CSMD1: variants seen among roughly 807,000 people sequenced by gnomAD.
The protein encoded by CSMD1 is CUB and Sushi multiple domains 1.
Under a neutral mutation model 417.5 loss-of-function variants are expected in CSMD1, and 213 were observed. That is an observed-to-expected ratio of 0.51 (90% CI 0.46 to 0.57). The LOEUF (loss-of-function observed/expected upper bound fraction) is 0.57. CSMD1 is among the 20% of genes least tolerant of loss of function. The pLI, the probability that CSMD1 is intolerant of heterozygous loss-of-function variation, is 0.00. For synonymous variants in CSMD1, 2,862 were observed against 1,736.8 expected (o/e 1.65, Z -16.11); for missense variants, 6,923 against 4,529.7 (o/e 1.53, Z -15.17).
At chr8:4,023,408 T>G (rs1014905466) in intron 4 of CSMD1, among the ~76,000 whole-genome samples, 20 of 152,142 alleles carry the variant, frequency 1.3e-4, no homozygotes, top group Admixed American at 1.3e-3. Flanking sequence ...TAATTCCAAT[T>G]TCATTATGAA....
intron 3 of CSMD1, among the ~76,000 whole-genome samples, chr8:4,111,042 C>G (rs909035916): frequency 6.6e-6 from 1 of 152,116 alleles, no homozygotes; most frequent in South Asian, 2.1e-4. Flanking sequence ...AAGGAAATAA[C>G]TTAATAAACC....
At chr8:4,810,960 T>C (rs905052812) in intron 1 of CSMD1, among the ~76,000 whole-genome samples, 3 of 152,176 alleles carry the variant, frequency 2.0e-5, no homozygotes, top group African/African-American at 7.2e-5. Context: ...AGTGATGATA[T>C]TAAAGACAAG....
At chr8:4,424,095 G>A (rs988115239) in intron 2 of CSMD1, among the ~76,000 whole-genome samples, 3 of 151,826 alleles carry the variant, frequency 2.0e-5, no homozygotes, top group African/African-American at 4.8e-5. Flanking sequence ...TAGACTCTTA[G>A]GAAAAAAATA....
At chr8:4,450,022 T>A (rs1199175325) in intron 2 of CSMD1, among the ~76,000 whole-genome samples, 3 of 152,190 alleles carry the variant, frequency 2.0e-5, no homozygotes, top group African/African-American at 7.2e-5. Flanking sequence ...ATGGCCTGGG[T>A]GTCCTGTCCT....
intron 4 of CSMD1, among the ~76,000 whole-genome samples, chr8:4,004,766 A>C (rs528704744): frequency 1.3e-5 from 2 of 151,944 alleles, no homozygotes; most frequent in Non-Finnish European, 2.9e-5. Flanking sequence ...TGTTTTTGAG[A>C]TGGCGTCTCA....
At chr8:3,998,945 TAACA>T (rs1454385288) in intron 4 of CSMD1, among the ~76,000 whole-genome samples, 1 of 148,718 alleles carries the variant, frequency 6.7e-6, no homozygotes, top group Non-Finnish European at 1.5e-5. Context: ...TATATATAAA[TAACA>T]AACTATATGG....
intron 2 of CSMD1, among the ~76,000 whole-genome samples, chr8:4,630,529 G>A: frequency 6.6e-6 from 1 of 152,146 alleles, no homozygotes; most frequent in African/African-American, 2.4e-5. Context: ...AGTAATGATT[G>A]AGCTTACCTA....
chr8:3,451,665 A>T (rs1585184468), intron 12 of CSMD1, among the ~76,000 whole-genome samples: 1 of 151,952 alleles, frequency 6.6e-6, no homozygotes, highest in Admixed American at 6.6e-5. Context: ...GTTCTGTTCC[A>T]TTGGTCTATA....
chr8:4,562,109 G>A (rs17344405), intron 2 of CSMD1, among the ~76,000 whole-genome samples: 1 of 152,228 alleles, frequency 6.6e-6, no homozygotes, highest in East Asian at 1.9e-4. Flanking sequence ...GATAGAGGAG[G>A]GAAGAGTGTA....
At chr8:4,172,130 C>A (rs191599174) in intron 3 of CSMD1, among the ~76,000 whole-genome samples, 1 of 152,172 alleles carries the variant, frequency 6.6e-6, no homozygotes, top group Middle Eastern at 3.4e-3. Context: ...AGGTGCATGA[C>A]TACCTAAAAT....
chr8:4,696,347 T>C (rs186264744), intron 1 of CSMD1, among the ~76,000 whole-genome samples: 2 of 152,334 alleles, frequency 1.3e-5, no homozygotes, highest in Admixed American at 6.5e-5. Flanking sequence ...TATTGTTTAG[T>C]TCATCTACTA....
chr8:4,473,988 C>G (rs1800668610), intron 2 of CSMD1, among the ~76,000 whole-genome samples: 2 of 151,716 alleles, frequency 1.3e-5, no homozygotes, highest in South Asian at 2.1e-4. Flanking sequence ...AAAAGAGACA[C>G]AAAAAATTAA....
chr8:4,206,953 C>G (rs934026013), intron 3 of CSMD1, among the ~76,000 whole-genome samples: 19 of 152,080 alleles, frequency 1.2e-4, no homozygotes, highest in Non-Finnish European at 1.5e-4. Context: ...GATAAAATGC[C>G]TATTTCATAT....
intron 49 of CSMD1, among the ~76,000 whole-genome samples, chr8:3,075,318 C>G (rs1281944255): frequency 8.7e-5 from 13 of 149,814 alleles, no homozygotes; most frequent in African/African-American, 2.7e-4. Flanking sequence ...GCCCTGTCAT[C>G]CAGGCTGCAG....
chr8:3,272,584 G>A lies in CSMD1; in HGVS notation c.4153+11560C>T, dbSNP rs1276732478. On this transcript the variant is annotated intron_variant, in intron 26 of 69. Transcript: ENST00000635120. ...ATGAGCATGGAATGTTCTTCCATTT[G>A]TTTGTATCTTCTTTTATTTCCTTGA... Among the ~76,000 whole-genome samples the A allele has an allele frequency of 1.5e-5, 2 of 136,582 alleles. 1 individual carries two copies. The highest frequency in any genetic ancestry group is 3.2e-5 in the Non-Finnish European group (2 of 63,382). 89.6% of individuals were successfully genotyped at this position (136,582 alleles called of 152,430 possible). A position where few individuals can be genotyped will look rare whatever the true frequency, so the allele number is the denominator to read the frequency against.
At chr8:3,722,896 G>A (rs2129045018) in intron 6 of CSMD1, among the ~76,000 whole-genome samples, 1 of 123,648 alleles carries the variant, frequency 8.1e-6, no homozygotes, top group South Asian at 3.6e-4. Flanking sequence ...ATTTTTACTT[G>A]AGAGACTAGC....
At chr8:3,729,958 AAAAC>A (rs1563318581) in intron 6 of CSMD1, among the ~76,000 whole-genome samples, 1 of 12,162 alleles carries the variant, frequency 8.2e-5, no homozygotes, top group African/African-American at 1.4e-4. Context: ...AAAAAAAAAA[AAAAC>A]AAAAACAGAA....
chr8:3,647,735 T>C (rs574188587), intron 7 of CSMD1, among the ~76,000 whole-genome samples: 63 of 152,224 alleles, frequency 4.1e-4, no homozygotes, highest in African/African-American at 9.6e-4. Context: ...AAAGTATTGA[T>C]TGGAGGGAGA....
At chr8:4,807,879 T>A (rs1798681749) in intron 1 of CSMD1, among the ~76,000 whole-genome samples, 1 of 152,124 alleles carries the variant, frequency 6.6e-6, no homozygotes, top group African/African-American at 2.4e-5. Context: ...GAGGAGTATA[T>A]TCTCAAAGGT....
Sources: allele counts gnomAD v4.1 joint callset (sites outside exome capture counted in the v4.1 genomes callset), GRCh38; gene constraint gnomAD v4.1.1; transcripts MANE v1.5; gene names NCBI Gene and HGNC (gene_info 2026-07-23, HGNC 2026-07-21).